AXIN2: variants seen among roughly 807,000 people sequenced by gnomAD.
AXIN2 encodes axin-2.
AXIN2 carries 21 observed loss-of-function variants against 74.7 expected under a neutral mutation model. That is an observed-to-expected ratio of 0.28 (90% confidence interval 0.20 to 0.40). AXIN2 has a LOEUF of 0.40. AXIN2 is among the 10% of genes least tolerant of loss of function. The probability of loss-of-function intolerance (pLI) is 1.00; values close to 1 mark genes in which losing one functional copy is unlikely to be tolerated. For missense variants in AXIN2, 1,144 were observed against 1,111.1 expected (o/e 1.03, Z -0.42); for synonymous variants, 532 against 454.9 (o/e 1.17, Z -2.16).
At position 65,537,033 on chromosome 17, in the gene AXIN2, G is replaced by A. The variant is rs774932064; in HGVS notation, c.1743C>T (p.Arg581=). ...GGSRGSTLPK[R]NGKGTEPGLA... is the part of the protein sequence containing the mutation. ...GGCCCGGCTCCGTGCCTTTCCCATT[G>A]CGTTTGGGCAAGGTACTGCCTCTGC... The change falls in exon 7 of 11, where the codon CGC becomes CGT. Residue 581 remains arginine (R), a synonymous_variant. Coordinates refer to ENST00000307078, the MANE Select transcript of AXIN2 (RefSeq NM_004655.4). 1.2e-6 allele frequency: 2 copies of A among 1,609,016 alleles called. No homozygotes were observed. Among genetic ancestry groups the A allele is most frequent in the Admixed American group, 1.7e-5 (1 of 59,954 alleles).
At chr17:65,559,277 C>A (rs1367316685) in intron 1 of AXIN2, among the ~76,000 whole-genome samples, 3 of 148,266 alleles carry the variant, frequency 2.0e-5, no homozygotes, top group African/African-American at 7.5e-5. Flanking sequence ...TCTCCCCACC[C>A]ACCCCCTCCC....
chr17:65,538,516 C>G (rs1008151527), intron 4 of AXIN2, among the ~76,000 whole-genome samples, 173 bp from the exon 5 acceptor site: 2 of 151,934 alleles, frequency 1.3e-5, no homozygotes, highest in Non-Finnish European at 2.9e-5. Context: ...GCGCCATGGC[C>G]TCATGGAGAG....
intron 2 of AXIN2, 66 bp from the exon 3 acceptor site, chr17:65,549,726 C>A (rs1029035923): frequency 1.0e-5 from 16 of 1,544,966 alleles, no homozygotes. Context: ...AATCAGGTGA[C>A]CCCAGGACAA....
At chr17:65,533,583 G>A (rs1241177276) in intron 10 of AXIN2, among the ~76,000 whole-genome samples, 4 of 152,162 alleles carry the variant, frequency 2.6e-5, no homozygotes, top group African/African-American at 9.7e-5. Flanking sequence ...TGCAGGTAAA[G>A]CCTCTGCAGT....
chr17:65,558,633 C>G lies in AXIN2; in HGVS notation c.-13G>C. ...TAGCGCTACTCATGGTGAGGGAGCT[C>G]TTCCCACTGAGTCTGGGAATTTTTC... On this transcript the variant is annotated 5_prime_UTR_variant, in exon 2 of 11. Coordinates refer to ENST00000307078, the MANE Select transcript of AXIN2 (RefSeq NM_004655.4). 6.2e-7 allele frequency: 1 copy of G among 1,602,332 alleles called. No homozygotes were observed. Among genetic ancestry groups the G allele is most frequent in the Admixed American group, 1.7e-5 (1 of 59,910 alleles).
At chr17:65,538,420 C>G in intron 4 of AXIN2, 77 bp from the exon 5 acceptor site, 1 of 1,588,512 alleles carries the variant, frequency 6.3e-7, no homozygotes, top group Non-Finnish European at 8.6e-7. Context: ...GAGCTTCCCG[C>G]ACCAGGCGCT....
intron 9 of AXIN2, 50 bp from the exon 10 acceptor site, chr17:65,534,129 C>T (rs1422951694): frequency 6.2e-7 from 1 of 1,604,826 alleles, no homozygotes; most frequent in Admixed American, 1.7e-5. Flanking sequence ...AGCAGACACA[C>T]ATCTAAAGCA....
At chr17:65,559,851 C>G (rs1847810959) in intron 1 of AXIN2, 1 of 152,410 alleles carries the variant, frequency 6.6e-6, no homozygotes, top group Admixed American at 6.5e-5. Flanking sequence ...TGAACCCGAC[C>G]AGAGCCTCGA....
In AXIN2 at chr17:65,532,216, G is replaced by GA. The variant is rs759053175; in HGVS notation, c.2405+1695dup. On this transcript the variant is annotated intron_variant, in intron 10 of 10. Transcript: ENST00000307078. ...AGGCTTATTAACTGTGCCTCAGGGA[G>GA]AAAAAAAAAAAATCAGAGCCAGATG... 3.7e-3 allele frequency among the ~76,000 whole-genome samples: 536 copies of GA among 144,690 alleles called. 4 individuals carry two copies. Among genetic ancestry groups the GA allele is most frequent in the Non-Finnish European group, 6.1e-3 (401 of 65,578 alleles). 94.9% of individuals were successfully genotyped at this position (144,690 alleles called of 152,430 possible).
chr17:65,559,947 C>G (rs1346504403), intron 1 of AXIN2: 1 of 152,144 alleles, frequency 6.6e-6, no homozygotes, highest in African/African-American at 2.4e-5. Context: ...TGGAGCGGCC[C>G]CGTTACCTGG....
intron 3 of AXIN2, among the ~76,000 whole-genome samples, chr17:65,547,300 G>A (rs541013595): frequency 6.6e-6 from 1 of 152,298 alleles, no homozygotes; most frequent in East Asian, 1.9e-4. Flanking sequence ...AAGGTCTCAT[G>A]ACCAACCGGT....
intron 2 of AXIN2, among the ~76,000 whole-genome samples, chr17:65,552,207 C>A (rs1431616685): frequency 6.6e-6 from 1 of 152,124 alleles, no homozygotes; most frequent in African/African-American, 2.4e-5. Flanking sequence ...GTGAAAAAGG[C>A]CTCGTAGTTG....
intron 3 of AXIN2, among the ~76,000 whole-genome samples, chr17:65,547,174 G>A (rs2044130539): frequency 6.6e-6 from 1 of 152,178 alleles, no homozygotes; most frequent in East Asian, 1.9e-4. Flanking sequence ...AGTAAATGGG[G>A]AGGCTGCAGG....
At chr17:65,543,424 A>ATAG (rs1184006126) in intron 3 of AXIN2, among the ~76,000 whole-genome samples, 2 of 152,210 alleles carry the variant, frequency 1.3e-5, no homozygotes, top group Non-Finnish European at 2.9e-5. Flanking sequence ...GCTTGACCAG[A>ATAG]AACCAAATCG....
intron 1 of AXIN2, chr17:65,561,204 AG>A (rs1185529347): frequency 6.7e-6 from 1 of 148,708 alleles, no homozygotes; most frequent in African/African-American, 2.4e-5. Flanking sequence ...TGCACTTCAA[AG>A]GCGCGAGCCG....
chr17:65,537,326 A>G lies in AXIN2; in HGVS notation c.1710T>C (p.Phe570=). Residue 570 remains phenylalanine, a splice_region_variant and synonymous_variant, in exon 6 of 11, where the codon TTT becomes TTC. Coordinates refer to ENST00000307078, the MANE Select transcript of AXIN2 (RefSeq NM_004655.4). ...KAPETMPSEQ[F]GGSRGSTLPK... ...ACTGCGGTCCGCCCGGCACTTACCC[A>G]AACTGCTCGCTGGGCATGGTTTCCG... 1 of 1,614,030 alleles carries G rather than the reference A, an allele frequency of 6.2e-7. No individual in the cohort carries two copies. Among genetic ancestry groups the G allele is most frequent in the Non-Finnish European group, 8.5e-7 (1 of 1,180,030 alleles).
In AXIN2 at chr17:65,558,866, C is replaced by A. The variant is rs2044318413; in HGVS notation, c.-116-130G>T. ...AACTCCTCAAATTCAAATCAAGCAA[C>A]CCAGCTATCTGCGAGGTGCTCATCT... On this transcript the variant is annotated intron_variant, in intron 1 of 10. Transcript: ENST00000307078. 1.2e-5 allele frequency: 7 copies of A among 562,966 alleles called. No homozygotes were observed. In the South Asian group the frequency reaches 1.6e-4, roughly 13 times the overall value. The allele number at this position is 562,966 out of a possible 1,614,324, so 34.9% of individuals were successfully genotyped here.
rs1598094100 is a variant in AXIN2, at chr17:65,534,066, T to C, written c.2251A>G (p.Lys751Glu). ...AGCGCGTGGACACCTGCCAGTTTCT[T>C]TGGCTCTTTGTGACTGAAAATAAGA... ...SLAPEDHKEP[K>E]KLAGVHALQA... Residue 751 changes from lysine (K) to glutamate (E), a missense_variant, in exon 10 of 11, where the codon AAG (lysine) becomes GAG (glutamate). Lys to Glu is a moderately conservative substitution (Grantham distance 56). Coordinates refer to ENST00000307078, the MANE Select transcript of AXIN2 (RefSeq NM_004655.4). The C allele has an allele frequency of 1.2e-6, 2 of 1,614,252 alleles. No homozygotes were observed. The highest frequency in any genetic ancestry group is 1.7e-6 in the Non-Finnish European group (2 of 1,180,044).
At chr17:65,536,282 A>T in intron 8 of AXIN2, 38 bp downstream of exon 8, 1 of 1,565,734 alleles carries the variant, frequency 6.4e-7, no homozygotes. Flanking sequence ...CCCAAACCCA[A>T]TCCCTGCCTC....
Sources: allele counts gnomAD v4.1 joint callset (sites outside exome capture counted in the v4.1 genomes callset), GRCh38; gene constraint gnomAD v4.1.1; transcripts MANE v1.5; gene names NCBI Gene and HGNC (gene_info 2026-07-23, HGNC 2026-07-21).